Variants in FRAS1 observed in about 807,000 individuals in gnomAD.
The protein encoded by FRAS1 is Fraser extracellular matrix complex subunit 1.
A neutral mutation model predicts 435.2 loss-of-function variants in FRAS1; 290 were observed. The observed-to-expected ratio is 0.67, with a 90% CI of 0.61 to 0.73. The LOEUF (loss-of-function observed/expected upper bound fraction) is 0.73, where lower values mean the gene tolerates loss of function less well. Ranked by LOEUF, FRAS1 falls within the 30% of genes least tolerant of loss-of-function variation. The probability of loss-of-function intolerance (pLI) is 0.00; values close to 1 mark genes in which losing one functional copy is unlikely to be tolerated. For missense variants in FRAS1, 4,860 were observed against 5,001.5 expected (o/e 0.97, Z 0.85); for synonymous variants, 1,800 against 1,851.0 (o/e 0.97, Z 0.71).
chr4:78,358,478 C>G (rs1472897936), intron 20 of FRAS1, among the ~76,000 whole-genome samples: 1 of 152,072 alleles, frequency 6.6e-6, no homozygotes, highest in Non-Finnish European at 1.5e-5. Flanking sequence ...TGGACTTAGT[C>G]TATATATGAT....
chr4:78,522,803 T>A lies in FRAS1; in HGVS notation c.10803T>A (p.Tyr3601Ter). ...AACTCTGGAGAGCCACAAGCTCTTA[T>A]AACAGGTAAATACAGTGATGGAGGC... Reference protein sequence around the residue: ...PHQLWRATSSYNRKDYSGEYT... With the variant: ...PHQLWRATSS The change falls in exon 69 of 74, where the codon TAT becomes TAA. Residue 3601 changes from tyrosine to a stop codon, truncating the protein, a stop_gained. Coordinates refer to ENST00000512123, the MANE Select transcript of FRAS1 (RefSeq NM_025074.7). LOFTEE classifies it high-confidence loss of function. 1 of 1,608,916 alleles carries A rather than the reference T, an allele frequency of 6.2e-7. No homozygotes were observed. Among genetic ancestry groups the A allele is most frequent in the Non-Finnish European group, 8.5e-7 (1 of 1,177,834 alleles).
intron 38 of FRAS1, among the ~76,000 whole-genome samples, chr4:78,432,823 G>C (rs969324883): frequency 6.6e-6 from 1 of 152,210 alleles, no homozygotes; most frequent in Non-Finnish European, 1.5e-5. Context: ...GAGAAAACAC[G>C]ATGAGTATGT....
chr4:78,525,639 C>G (rs1279877463), intron 69 of FRAS1, among the ~76,000 whole-genome samples: 3 of 152,212 alleles, frequency 2.0e-5, no homozygotes, highest in African/African-American at 7.2e-5. Flanking sequence ...GTTCACAGAT[C>G]CCTCACAAAC....
chr4:78,404,564 C>T (rs1308628151), intron 30 of FRAS1, among the ~76,000 whole-genome samples: 1 of 152,176 alleles, frequency 6.6e-6, no homozygotes, highest in African/African-American at 2.4e-5. Context: ...CAACCCCCTC[C>T]TCCTTCTGTA....
chr4:78,475,610 G>A lies in FRAS1; in HGVS notation c.7851+4G>A, dbSNP rs1719832094. 1 of 1,555,256 alleles carries A rather than the reference G, an allele frequency of 6.4e-7. No individual in the cohort carries two copies. The highest frequency in any genetic ancestry group is 8.7e-7 in the Non-Finnish European group (1 of 1,143,454). On this transcript the variant is annotated splice_donor_region_variant and intron_variant, in intron 54 of 73. Coordinates refer to ENST00000512123, the MANE Select transcript of FRAS1 (RefSeq NM_025074.7). ...CTATGTAGAGTATGCTGGCCAGGTA[G>A]GTGGGGTAGTGGGGTTGGGGGAGGC...
intron 14 of FRAS1, among the ~76,000 whole-genome samples, chr4:78,290,560 G>A (rs750174929): frequency 7.3e-5 from 11 of 151,642 alleles, no homozygotes; most frequent in Non-Finnish European, 2.9e-5. Context: ...GGGTTCAAGC[G>A]ATTCTCCTGC....
At position 78,513,424 on chromosome 4, in the gene FRAS1, A is replaced by T. The variant is rs1721102310; in HGVS notation, c.10046A>T (p.Asp3349Val). ...IHISVQIPHQ[D>V]GMLPLISTMP... ...ATTTCGGTGCAGATCCCACACCAGG[A>T]TGGAATGCTGCCCCTTATCTCCACC... Residue 3349 changes from aspartate to valine, a missense_variant, in exon 65 of 74, where the codon GAT becomes GTT. Coordinates refer to ENST00000512123, the MANE Select transcript of FRAS1 (RefSeq NM_025074.7). The T allele has an allele frequency of 6.2e-7, 1 of 1,613,944 alleles. No individual in the cohort carries two copies. The highest frequency in any genetic ancestry group is 8.5e-7 in the Non-Finnish European group (1 of 1,179,848).
At chr4:78,446,293 C>A in intron 42 of FRAS1, 1 of 1,011,440 alleles carries the variant, frequency 9.9e-7, no homozygotes. Context: ...GGCACCAGGG[C>A]AGGGAGACAG....
At chr4:78,451,438 T>C (rs924945004) in intron 45 of FRAS1, among the ~76,000 whole-genome samples, 1 of 152,202 alleles carries the variant, frequency 6.6e-6, no homozygotes, top group Non-Finnish European at 1.5e-5. Flanking sequence ...GTGTGGTCAG[T>C]GCACATTTAC....
At chr4:78,060,177 T>C (rs1168364752) in intron 1 of FRAS1, among the ~76,000 whole-genome samples, 1 of 152,174 alleles carries the variant, frequency 6.6e-6, no homozygotes, top group African/African-American at 2.4e-5. Flanking sequence ...AATTAAGTGA[T>C]ATCACTCCCA....
chr4:78,155,144 G>A (rs1720828660), intron 2 of FRAS1, among the ~76,000 whole-genome samples: 1 of 152,172 alleles, frequency 6.6e-6, no homozygotes. Context: ...GCTTGGCCAT[G>A]TTTGTAGTCC....
intron 20 of FRAS1, among the ~76,000 whole-genome samples, chr4:78,338,440 G>A (rs961264431): frequency 6.6e-6 from 1 of 152,138 alleles, no homozygotes; most frequent in African/African-American, 2.4e-5. Flanking sequence ...CAGAATACAG[G>A]AAAACGATGA....
rs1397919138 is a variant in FRAS1 at position 78,448,386 on chromosome 4, A to G, written c.6274+70A>G. 5 of 1,398,218 alleles carry G rather than the reference A, an allele frequency of 3.6e-6. No homozygotes were observed. The African/African-American group carries it at 7.2e-5, about 20-fold the overall frequency. The allele number at this position is 1,398,218 out of a possible 1,614,324, so 86.6% of individuals were successfully genotyped here. On this transcript the variant is annotated intron_variant, in intron 44 of 73. Transcript: ENST00000512123. The stretch of plus-strand genomic sequence containing the variant: ...ATTTCTTCTTTGTCCAGTATGCAGT[A>G]CTTTCTTCCATGTTAGTGATGTGGG...
At chr4:78,208,863 G>A (rs776680461) in intron 2 of FRAS1, among the ~76,000 whole-genome samples, 73 of 152,200 alleles carry the variant, frequency 4.8e-4, no homozygotes, top group Non-Finnish European at 7.4e-4. Context: ...GGGGTTGGGC[G>A]CATCAGATCA....
chr4:78,364,757 A>G (rs544905225), intron 22 of FRAS1, among the ~76,000 whole-genome samples: 84 of 152,360 alleles, frequency 5.5e-4, no homozygotes, highest in African/African-American at 1.9e-3. Context: ...CTCAGTCACC[A>G]AAGTGTCATT....
intron 2 of FRAS1, among the ~76,000 whole-genome samples, chr4:78,118,711 G>A (rs547116134): frequency 5.9e-5 from 9 of 152,262 alleles, no homozygotes; most frequent in South Asian, 2.1e-4. Flanking sequence ...TCCAGGTGCT[G>A]TCTGTCAACC....
intron 2 of FRAS1, among the ~76,000 whole-genome samples, chr4:78,165,191 A>G (rs1721286470): frequency 6.6e-6 from 1 of 152,334 alleles, no homozygotes; most frequent in Admixed American, 6.5e-5. Context: ...GTTTAACAAT[A>G]CAAAAGTTTA....
chr4:78,248,411 A>G (rs1435869838), intron 4 of FRAS1, among the ~76,000 whole-genome samples: 1 of 152,094 alleles, frequency 6.6e-6, no homozygotes, highest in Non-Finnish European at 1.5e-5. Context: ...TTTCCTGTTT[A>G]CTAATCTAAC....
intron 67 of FRAS1, among the ~76,000 whole-genome samples, chr4:78,521,098 T>C (rs1469895450): frequency 2.0e-5 from 3 of 152,194 alleles, no homozygotes. Context: ...GTTTGAGTAC[T>C]AAATGTAGCC....
Sources: allele counts gnomAD v4.1 joint callset (sites outside exome capture counted in the v4.1 genomes callset), GRCh38; gene constraint gnomAD v4.1.1; transcripts MANE v1.5; gene names NCBI Gene and HGNC (gene_info 2026-07-23, HGNC 2026-07-21).